The following RANBP10 variants were observed in gnomAD, a reference collection of about 807,000 sequenced individuals.
RANBP10 encodes the protein ran-binding protein 10.
In RANBP10, 24 loss-of-function variants were observed where a neutral mutation model predicts 72.8. The observed-to-expected ratio is 0.33, with a 90% CI of 0.24 to 0.46. The LOEUF (loss-of-function observed/expected upper bound fraction) is 0.46. Among genes scored for constraint, RANBP10 ranks in the 20% least tolerant of loss-of-function variants. The probability of loss-of-function intolerance (pLI) is 1.00; values close to 1 mark genes in which losing one functional copy is unlikely to be tolerated. For missense variants in RANBP10, 679 were observed against 817.5 expected (o/e 0.83, Z 2.07); for synonymous variants, 310 against 322.3 (o/e 0.96, Z 0.41).
intron 3 of RANBP10, among the ~76,000 whole-genome samples, chr16:67,771,355 T>A (rs1055708212): frequency 7.2e-5 from 11 of 152,052 alleles, no homozygotes; most frequent in Non-Finnish European, 1.5e-4. Context: ...TTATTTTATT[T>A]TTTTTTTTGA....
chr16:67,734,878 C>T lies in RANBP10; in HGVS notation c.756G>A (p.Glu252=), dbSNP rs1292612256. The T allele has an allele frequency of 6.2e-7, 1 of 1,604,166 alleles. No homozygotes were observed. Among genetic ancestry groups the T allele is most frequent in the African/African-American group, 1.3e-5 (1 of 74,780 alleles). ...HCFPISARLG[E]WQAVLQNMVS... The stretch of plus-strand genomic sequence containing the variant: ...CTCACTTCTGCAGCACTGCCTGCCA[C>T]TCGCCAAGCCGGGCACTGATGGGGA... Residue 252 remains glutamate (E), a synonymous_variant, in exon 6 of 14, where the codon GAG becomes GAA. Transcript: ENST00000317506.
Position 67,734,930 on chromosome 16 carries a change from G to A in RANBP10, c.704C>T (p.Ala235Val). 1 of 1,613,962 alleles carries A rather than the reference G, an allele frequency of 6.2e-7. No individual in the cohort carries two copies. Among genetic ancestry groups the A allele is most frequent in the Non-Finnish European group, 8.5e-7 (1 of 1,179,942 alleles). Residue 235 changes from alanine (A) to valine (V), a missense_variant, in exon 6 of 14, where the codon GCC (alanine) becomes GTC (valine). By Grantham distance (64) the Ala-to-Val change is moderately conservative. Transcript: ENST00000317506. ...DIEDYMREWR[A>V]KVQGTVHCFP... ...GCAGTGGACCGTGCCCTGGACCTTG[G>A]CACGCCACTCCCGCATGTAGTCCTC...
chr16:67,751,886 G>A (rs1036979167), intron 3 of RANBP10, among the ~76,000 whole-genome samples: 4 of 149,812 alleles, frequency 2.7e-5, no homozygotes, highest in African/African-American at 4.9e-5. Flanking sequence ...ACTTCACTCC[G>A]TCTCAAAAAG....
chr16:67,765,226 A>C (rs1241728069), intron 3 of RANBP10, among the ~76,000 whole-genome samples: 1 of 150,730 alleles, frequency 6.6e-6, no homozygotes, highest in African/African-American at 2.4e-5. Flanking sequence ...AAAAAAAAAA[A>C]AACATTAAAA....
At chr16:67,744,260 G>C (rs762778464) in intron 4 of RANBP10, 28 bp downstream of exon 4, 2 of 1,601,750 alleles carry the variant, frequency 1.2e-6, no homozygotes, top group Non-Finnish European at 1.7e-6. Context: ...CCACAGAGCA[G>C]AGCCTCCAAG....
intron 2 of RANBP10, among the ~76,000 whole-genome samples, chr16:67,790,789 T>C (rs1202585575): frequency 6.6e-6 from 1 of 151,652 alleles, no homozygotes; most frequent in African/African-American, 2.4e-5. Flanking sequence ...AACCTCCGCC[T>C]CCCAGATTCA....
intron 2 of RANBP10, among the ~76,000 whole-genome samples, chr16:67,801,429 C>G (rs981632500): frequency 6.6e-6 from 1 of 152,134 alleles, no homozygotes; most frequent in Non-Finnish European, 1.5e-5. Flanking sequence ...CAGGCGAGGA[C>G]ATCTGATAAG....
intron 4 of RANBP10, among the ~76,000 whole-genome samples, chr16:67,741,831 C>T (rs1017636989): frequency 4.6e-5 from 7 of 152,098 alleles, no homozygotes; most frequent in South Asian, 4.1e-4. Context: ...GACATCATTC[C>T]GCTGCTGTAA....
intron 3 of RANBP10, among the ~76,000 whole-genome samples, chr16:67,769,937 T>C (rs982324957): frequency 1.3e-5 from 2 of 151,072 alleles, no homozygotes; most frequent in Non-Finnish European, 3.0e-5. Context: ...TGGTAGCTTG[T>C]ATCTGTAGTG....
chr16:67,785,213 AAAAT>A (rs936375867), intron 2 of RANBP10, among the ~76,000 whole-genome samples: 1 of 151,868 alleles, frequency 6.6e-6, no homozygotes, highest in Non-Finnish European at 1.5e-5. Context: ...GTCGGTCTCA[AAAAT>A]AAATAAATAA....
chr16:67,774,337 G>T (rs1307256211), intron 2 of RANBP10, among the ~76,000 whole-genome samples: 1 of 152,256 alleles, frequency 6.6e-6, no homozygotes, highest in Non-Finnish European at 1.5e-5. Flanking sequence ...CTCAAGAAGA[G>T]TTATGCTTGG....
chr16:67,784,847 G>T (rs2143016316), intron 2 of RANBP10, among the ~76,000 whole-genome samples: 1 of 151,176 alleles, frequency 6.6e-6, no homozygotes, highest in South Asian at 2.1e-4. Flanking sequence ...GAAAAGAAAA[G>T]AAAATGATCT....
chr16:67,745,212 A>G (rs1443690448), intron 3 of RANBP10, among the ~76,000 whole-genome samples: 1 of 151,138 alleles, frequency 6.6e-6, no homozygotes, highest in East Asian at 1.9e-4. Flanking sequence ...TCCTGACCTC[A>G]TGATCCGCCT....
At chr16:67,743,512 A>G (rs1448759130) in intron 4 of RANBP10, among the ~76,000 whole-genome samples, 2 of 152,130 alleles carry the variant, frequency 1.3e-5, no homozygotes, top group Non-Finnish European at 2.9e-5. Context: ...CTAAATGTCT[A>G]CGCATGTACA....
intron 12 of RANBP10, 23 bp from the exon 13 acceptor site, chr16:67,727,461 G>A (rs764580810): frequency 1.3e-6 from 2 of 1,597,900 alleles, no homozygotes; most frequent in Non-Finnish European, 1.7e-6. Context: ...GCATTCTTGA[G>A]AGGACTGTGG....
rs544439710 is a variant in RANBP10 at position 67,795,412 on chromosome 16, G to A, written c.347+10016C>T. Among the ~76,000 whole-genome samples the A allele has an allele frequency of 1.4e-4, 21 of 152,010 alleles. No homozygotes were observed. The South Asian group carries it at 3.1e-3, about 23-fold the overall frequency. ...AAATTAGCCAGGCATGGTGGTGCAC[G>A]CCTGTAATCCCAGCTACTCAGGAGG... On this transcript the variant is annotated intron_variant, in intron 2 of 13. Transcript: ENST00000317506.
At position 67,729,363 on chromosome 16, in the gene RANBP10, T is replaced by C. The variant is rs1375240112; in HGVS notation, c.1269A>G (p.Pro423=). The part of the protein sequence containing the change: ...SSSSSSSSSS[P]SSVNYSESNS... ...TGGACTCGGAGTAATTGACGGAGGA[T>C]GGGGAAGAGGACGAGGAGGAGGAGG... The change falls in exon 10 of 14, where the codon CCA becomes CCG. Residue 423 remains proline (P), a synonymous_variant. Coordinates refer to ENST00000317506, the MANE Select transcript of RANBP10 (RefSeq NM_020850.3). The surrounding 1 kb of genome is among the most constrained non-coding windows in gnomAD (Gnocchi z 7.1). 1.2e-6 allele frequency: 2 copies of C among 1,611,438 alleles called. No individual in the cohort carries two copies. The highest frequency in any genetic ancestry group is 1.7e-6 in the Non-Finnish European group (2 of 1,179,008).
In RANBP10 at chr16:67,735,063, T is replaced by A. The variant is rs756459320; in HGVS notation, c.592-21A>T. 2.5e-6 allele frequency: 4 copies of A among 1,569,402 alleles called. No homozygotes were observed. The South Asian group carries it at 4.7e-5, about 18-fold the overall frequency. Reference sequence around the variant, plus strand: ...TTGGCCTGAGGAGGAGAATGAAATGTCAGTCAGGCCCTGAGGGCAGTGGGG... The same window carrying A: ...TTGGCCTGAGGAGGAGAATGAAATGACAGTCAGGCCCTGAGGGCAGTGGGG... On this transcript the variant is annotated intron_variant, in intron 5 of 13. Transcript: ENST00000317506.
At chr16:67,790,493 G>C (rs184987042) in intron 2 of RANBP10, among the ~76,000 whole-genome samples, 4,478 of 151,604 alleles carry the variant, frequency 0.03, 104 homozygotes, top group Middle Eastern at 0.16. Flanking sequence ...CACATACACA[G>C]AGACACCAAG....
Sources: gnomAD v4.1 joint callset for allele counts (sites outside exome capture counted in the v4.1 genomes callset) on GRCh38, gnomAD v4.1.1 for gene constraint, Gnocchi (gnomAD v3.1) non-coding constraint, MANE v1.5 for transcripts, NCBI Gene and HGNC (gene_info 2026-07-23, HGNC 2026-07-21) for gene names.